Variants in TMEM74 observed in about 807,000 individuals in gnomAD.
The protein encoded by TMEM74 is transmembrane protein 74.
TMEM74 carries 13 observed loss-of-function variants against 18.1 expected under a neutral mutation model. That is an observed-to-expected ratio of 0.72 (90% confidence interval 0.47 to 1.14). TMEM74 has a LOEUF of 1.14. Among genes scored for constraint, TMEM74 ranks in the 50% most tolerant of loss-of-function variants. The pLI is 0.00. For missense variants in TMEM74, 372 were observed against 375.9 expected (o/e 0.99, Z 0.09); for synonymous variants, 159 against 146.6 (o/e 1.08, Z -0.61).
intron 1 of TMEM74, among the ~76,000 whole-genome samples, chr8:108,722,061 CT>C (rs750759232): frequency 4.1e-4 from 62 of 152,270 alleles, no homozygotes; most frequent in Non-Finnish European, 8.4e-4. Flanking sequence ...GTTTTATTCT[CT>C]GCATTTTTCT....
At chr8:108,613,420 T>A (rs1265751239) in intron 2 of TMEM74, among the ~76,000 whole-genome samples, 2 of 152,202 alleles carry the variant, frequency 1.3e-5, no homozygotes, top group Admixed American at 6.5e-5. Flanking sequence ...ATCAGGAATA[T>A]CCAATCAGGA....
rs1007165006 is a variant in TMEM74, at chr8:108,782,266, G to A, written c.*1915C>T. On this transcript the variant is annotated 3_prime_UTR_variant, in exon 2 of 2. Coordinates refer to ENST00000297459, the MANE Select transcript of TMEM74 (RefSeq NM_153015.3). ...CCTCAACAAAAATCATGAAATGAGA[G>A]TCACAGTAAAACAAAGTTTGTTCAA... is the stretch of plus-strand genomic sequence containing the variant. Among the ~76,000 whole-genome samples, 14 of 152,176 alleles carry A rather than the reference G, an allele frequency of 9.2e-5. No individual in the cohort carries two copies. The East Asian group carries it at 2.1e-3, about 23-fold the overall frequency.
Position 108,784,571 on chromosome 8 carries a change from A to G in TMEM74, c.528T>C (p.Tyr176=). The G allele has an allele frequency of 6.2e-7, 1 of 1,614,160 alleles. No homozygotes were observed. Among genetic ancestry groups the G allele is most frequent in the Non-Finnish European group, 8.5e-7 (1 of 1,180,038 alleles). The part of the protein sequence containing the change: ...EATSSGKSID[Y]GFISAILFLV... ...AGAACAAGATGGCGCTGATGAAACC[A>G]TAGTCTATAGACTTCCCTGAAGACG... The change falls in exon 2 of 2, where the codon TAT becomes TAC. Residue 176 remains tyrosine (Y), a synonymous_variant. Coordinates refer to ENST00000297459, the MANE Select transcript of TMEM74 (RefSeq NM_153015.3).
At position 108,660,083 on chromosome 8, in the gene TMEM74, C is replaced by A. The variant is rs146415846; in HGVS notation, n.120-4646G>T. 6.7e-3 allele frequency among the ~76,000 whole-genome samples: 1,025 copies of A among 152,258 alleles called. 6 individuals are homozygous for A. The highest frequency in any genetic ancestry group is 9.8e-3 in the Non-Finnish European group (668 of 68,006). On this transcript the variant is annotated intron_variant and non_coding_transcript_variant, in intron 1 of 3. Coordinates refer to the TMEM74 transcript ENST00000518838. ...TGATCTCTAATAAATACTTGTCATG[C>A]CAGTCTTTGTTTTGGCATCTGCTTC...
chr8:108,746,842 C>A (rs922536481), intron 1 of TMEM74, among the ~76,000 whole-genome samples: 13 of 152,116 alleles, frequency 8.5e-5, no homozygotes, highest in Admixed American at 2.0e-4. Flanking sequence ...GGCTGTTGAG[C>A]ACCTGGAGGT....
downstream of TMEM74, among the ~76,000 whole-genome samples, chr8:108,775,948 C>A (rs543673602): frequency 6.6e-5 from 10 of 152,306 alleles, no homozygotes; most frequent in African/African-American, 2.4e-4. Flanking sequence ...AGCAACTGTT[C>A]TTAATGTCAT....
Position 108,718,170 on chromosome 8 carries a change from G to C in TMEM74, n.120-62733C>G. Among the ~76,000 whole-genome samples, 2 of 74,448 alleles carry C rather than the reference G, an allele frequency of 2.7e-5. 1 individual carries two copies. Among genetic ancestry groups the C allele is most frequent in the African/African-American group, 2.9e-4 (2 of 6,890 alleles). 48.8% of individuals were successfully genotyped at this position (74,448 alleles called of 152,430 possible). On this transcript the variant is annotated intron_variant and non_coding_transcript_variant, in intron 1 of 3. Transcript: ENST00000518838. ...AGACGGGGTTTCACCATTTTAGCCG[G>C]GATGGTCTCGATCTCCTGACCTCGT...
At chr8:108,657,857 AAAATATAT>A (rs1215866877) in intron 1 of TMEM74, among the ~76,000 whole-genome samples, 41 of 62,258 alleles carry the variant, frequency 6.6e-4, no homozygotes, top group Non-Finnish European at 9.0e-4. Flanking sequence ...AAAAAAAAAA[AAAATATAT>A]ATATATATAT....
chr8:108,613,481 G>T (rs180722605), intron 2 of TMEM74, among the ~76,000 whole-genome samples: 1 of 152,282 alleles, frequency 6.6e-6, no homozygotes, highest in East Asian at 1.9e-4. Flanking sequence ...ATTTAACTTG[G>T]AACTATGATA....
chr8:108,740,061 A>C (rs1813785383), intron 1 of TMEM74, among the ~76,000 whole-genome samples: 1 of 152,150 alleles, frequency 6.6e-6, no homozygotes, highest in Non-Finnish European at 1.5e-5. Flanking sequence ...TTTAGCATTT[A>C]TAAGGTACAT....
intron 1 of TMEM74, among the ~76,000 whole-genome samples, chr8:108,728,257 CG>C (rs1563536724): frequency 2.6e-5 from 4 of 151,960 alleles, no homozygotes; most frequent in African/African-American, 4.8e-5. Flanking sequence ...AAGAATGATC[CG>C]GAAGAGTGTA....
At chr8:108,663,351 CAT>C (rs1337754115) in intron 1 of TMEM74, among the ~76,000 whole-genome samples, 5 of 152,096 alleles carry the variant, frequency 3.3e-5, no homozygotes, top group Admixed American at 2.0e-4. Context: ...GGTCAACAAA[CAT>C]ATGGAAAAAA....
intron 1 of TMEM74, among the ~76,000 whole-genome samples, chr8:108,696,038 C>A (rs1042109390): frequency 1.3e-5 from 2 of 152,184 alleles, no homozygotes; most frequent in African/African-American, 4.8e-5. Context: ...AATTTATTCA[C>A]TTGTTTGTTG....
chr8:108,778,559 C>T (rs1018830841), downstream of TMEM74, among the ~76,000 whole-genome samples: 1 of 152,176 alleles, frequency 6.6e-6, no homozygotes, highest in African/African-American at 2.4e-5. Context: ...AGATAAGAAT[C>T]TTGATCCAAT....
At chr8:108,648,606 A>T (rs1174990870) in intron 2 of TMEM74, among the ~76,000 whole-genome samples, 1 of 152,160 alleles carries the variant, frequency 6.6e-6, no homozygotes, top group Non-Finnish European at 1.5e-5. Flanking sequence ...ACTCAGAGTC[A>T]GAGAAGATGG....
intron 1 of TMEM74, among the ~76,000 whole-genome samples, chr8:108,739,748 G>C (rs1487191991): frequency 6.6e-6 from 1 of 152,084 alleles, no homozygotes; most frequent in African/African-American, 2.4e-5. Context: ...TGGTGCTTTA[G>C]CTAGGGTGAC....
chr8:108,620,659 G>A (rs1208253722), intron 2 of TMEM74, among the ~76,000 whole-genome samples: 1 of 152,116 alleles, frequency 6.6e-6, no homozygotes, highest in Non-Finnish European at 1.5e-5. Flanking sequence ...TGAATCAGAA[G>A]TCTCGGAAAG....
At chr8:108,619,991 CTCT>C (rs1310195924) in intron 2 of TMEM74, among the ~76,000 whole-genome samples, 2 of 152,086 alleles carry the variant, frequency 1.3e-5, no homozygotes, top group Non-Finnish European at 2.9e-5. Context: ...CCTCCTCTTC[CTCT>C]TCTTCCTCCT....
chr8:108,693,757 A>G (rs1450173008), intron 1 of TMEM74, among the ~76,000 whole-genome samples: 2 of 152,264 alleles, frequency 1.3e-5, no homozygotes, highest in African/African-American at 4.8e-5. Flanking sequence ...GTGCATGTCA[A>G]GAAGTCAATC....
Sources: allele counts gnomAD v4.1 joint callset (sites outside exome capture counted in the v4.1 genomes callset), GRCh38; gene constraint gnomAD v4.1.1; transcripts MANE v1.5; gene names NCBI Gene and HGNC (gene_info 2026-07-23, HGNC 2026-07-21).